The following CPAP variants were observed in gnomAD, a reference collection of about 807,000 sequenced individuals.
CPAP encodes the protein centrosomal P4.1-associated protein.
chr13:24,911,009 G>A, the CPAP span, among the ~76,000 whole-genome samples: 1 of 152,172 alleles, frequency 6.6e-6, no homozygotes, highest in African/African-American at 2.4e-5. Context: ...TCTCTGAGCA[G>A]AACAGGTGCT....
chr13:24,885,494 G>T, the CPAP span: 4 of 1,182,808 alleles, frequency 3.4e-6, no homozygotes, highest in Non-Finnish European at 5.1e-6. Flanking sequence ...CATTTATAAT[G>T]TTAAGTAAAA....
the CPAP span, among the ~76,000 whole-genome samples, chr13:24,898,609 C>T: frequency 2.0e-5 from 3 of 152,024 alleles, no homozygotes; most frequent in Middle Eastern, 3.2e-3. Flanking sequence ...CATAATGGTA[C>T]GTTTCTTCCC....
chr13:24,895,981 A>C, the CPAP span, among the ~76,000 whole-genome samples: 1 of 152,262 alleles, frequency 6.6e-6, no homozygotes, highest in Non-Finnish European at 1.5e-5. Context: ...AGGAAGGTTA[A>C]ATATGCCCTC....
the CPAP span, among the ~76,000 whole-genome samples, chr13:24,932,090 T>A: frequency 1.3e-5 from 2 of 152,096 alleles, no homozygotes; most frequent in African/African-American, 2.4e-5. Context: ...GCCAAACTGA[T>A]AAAGCACGCA....
the CPAP span, chr13:24,909,959 G>C: frequency 1.9e-6 from 3 of 1,614,192 alleles, no homozygotes; most frequent in East Asian, 6.7e-5. Flanking sequence ...TGTTGGACGG[G>C]TATGTTTCTT....
chr13:24,932,571 C>T, the CPAP span, among the ~76,000 whole-genome samples: 4 of 152,134 alleles, frequency 2.6e-5, no homozygotes, highest in African/African-American at 7.2e-5. Context: ...ACCAATTGTT[C>T]GGTTTTTCTC....
the CPAP span, among the ~76,000 whole-genome samples, chr13:24,920,232 C>A: frequency 9.2e-5 from 14 of 152,296 alleles, no homozygotes; most frequent in Admixed American, 7.8e-4. Context: ...GAAGCATAAT[C>A]CACGAATAGT....
At chr13:24,885,409 G>A in the CPAP span, 113 of 1,538,520 alleles carry the variant, frequency 7.3e-5, no homozygotes, top group Middle Eastern at 5.0e-4. Flanking sequence ...CACATTTCAA[G>A]CAGCTAAAAC....
the CPAP span, among the ~76,000 whole-genome samples, chr13:24,910,904 A>G: frequency 1.3e-5 from 2 of 152,216 alleles, no homozygotes; most frequent in Non-Finnish European, 2.9e-5. Context: ...TTTATGTGCT[A>G]CAATTTCTCA....
the CPAP span, among the ~76,000 whole-genome samples, chr13:24,917,984 C>T: frequency 3.9e-5 from 6 of 152,174 alleles, no homozygotes; most frequent in Non-Finnish European, 8.8e-5. Context: ...AATTTCTCAC[C>T]GCTCAACACT....
the CPAP span, among the ~76,000 whole-genome samples, chr13:24,923,774 A>G: frequency 3.3e-5 from 5 of 152,172 alleles, no homozygotes; most frequent in Non-Finnish European, 7.4e-5. Flanking sequence ...AAAAGAGTCT[A>G]CTTCTCTAAA....
At chr13:24,883,896 A>C in the CPAP span, 1 of 1,601,696 alleles carries the variant, frequency 6.2e-7, no homozygotes, top group Non-Finnish European at 8.6e-7. Flanking sequence ...AGGCTGGGGC[A>C]CCTTCTGAGC....
chr13:24,886,673 C>T, the CPAP span, among the ~76,000 whole-genome samples: 2 of 152,078 alleles, frequency 1.3e-5, no homozygotes, highest in Admixed American at 1.3e-4. Flanking sequence ...ATGCTTCACC[C>T]CCACAGGTTA....
chr13:24,900,924 G>C, the CPAP span, among the ~76,000 whole-genome samples: 1 of 152,082 alleles, frequency 6.6e-6, no homozygotes, highest in Non-Finnish European at 1.5e-5. Context: ...AGACAGGGAA[G>C]AAGAAGAGAA....
At chr13:24,887,868 G>C in the CPAP span, among the ~76,000 whole-genome samples, 2 of 152,138 alleles carry the variant, frequency 1.3e-5, no homozygotes, top group Admixed American at 6.5e-5. Flanking sequence ...GACTTGCTCA[G>C]TGCAGAGTTG....
At chr13:24,912,749 A>T in the CPAP span, 2 of 1,614,094 alleles carry the variant, frequency 1.2e-6, no homozygotes, top group Admixed American at 1.7e-5. Flanking sequence ...TGGGTTTCAG[A>T]TTTATCTGAC....
the CPAP span, chr13:24,893,006 G>A: frequency 2.8e-6 from 2 of 705,620 alleles, no homozygotes; most frequent in South Asian, 1.7e-5. Context: ...CATTTAAGAC[G>A]AATGTCGTGG....
the CPAP span, chr13:24,883,472 C>T: frequency 3.6e-6 from 3 of 842,178 alleles, no homozygotes; most frequent in African/African-American, 5.2e-5. Flanking sequence ...GCAGCTACTT[C>T]TGGAGACATC....
chr13:24,883,365 C>A, the CPAP span: 1 of 1,596,564 alleles, frequency 6.3e-7, no homozygotes, highest in Non-Finnish European at 8.5e-7. Flanking sequence ...AGTTTGTTGC[C>A]ATCACTGTAA....
Sources: gnomAD v4.1 joint callset for allele counts (sites outside exome capture counted in the v4.1 genomes callset) on GRCh38, gnomAD v4.1.1 for gene constraint, MANE v1.5 for transcripts, NCBI Gene and HGNC (gene_info 2026-07-23, HGNC 2026-07-21) for gene names.